RPH3AL: variants seen among roughly 807,000 people sequenced by gnomAD.
RPH3AL encodes rabphilin 3A like (without C2 domains), also known as rab effector Noc2.
Under a neutral mutation model 43.1 loss-of-function variants are expected in RPH3AL, and 38 were observed. The observed-to-expected ratio is 0.88, with a 90% confidence interval of 0.68 to 1.15. The LOEUF (loss-of-function observed/expected upper bound fraction) is 1.15. RPH3AL is among the 50% of genes most tolerant of loss of function. RPH3AL has a pLI of 0.00. For synonymous variants in RPH3AL, 189 were observed against 176.3 expected (o/e 1.07, Z -0.57); for missense variants, 462 against 423.2 (o/e 1.09, Z -0.81).
chr17:348,169 CTA>C, intron 1 of RPH3AL, among the ~76,000 whole-genome samples: 2 of 150,668 alleles, frequency 1.3e-5, no homozygotes, highest in Non-Finnish European at 2.9e-5. Flanking sequence ...AGGGTTCCAA[CTA>C]CATCTATGAC....
intron 3 of RPH3AL, chr17:321,618 C>G: frequency 2.2e-6 from 1 of 464,606 alleles, no homozygotes; most frequent in Non-Finnish European, 3.7e-6. Flanking sequence ...CAGGTGGCAA[C>G]AGAGACGGCC....
At chr17:321,634 T>G (rs905171628) in intron 3 of RPH3AL, 8 of 468,274 alleles carry the variant, frequency 1.7e-5, no homozygotes, top group African/African-American at 9.1e-5. Context: ...CGGCCCAGGT[T>G]CCGTGTGCCG....
chr17:335,762 C>G (rs1335091136), intron 1 of RPH3AL: 3 of 152,246 alleles, frequency 2.0e-5, no homozygotes, highest in Non-Finnish European at 4.4e-5. Flanking sequence ...CTCCCAGGTG[C>G]CAGAGGAAGT....
At chr17:348,282 G>A (rs1165052805) in intron 1 of RPH3AL, among the ~76,000 whole-genome samples, 1 of 152,100 alleles carries the variant, frequency 6.6e-6, no homozygotes, top group Non-Finnish European at 1.5e-5. Flanking sequence ...TTTGAAGGCA[G>A]CAAAGCCATT....
Position 333,980 on chromosome 17 carries a change from T to C in RPH3AL, c.-212-46A>G, listed in dbSNP as rs2044872134. 6.6e-6 allele frequency: 1 copy of C among 152,450 alleles called. No homozygotes were observed. Among genetic ancestry groups the C allele is most frequent in the Non-Finnish European group, 1.5e-5 (1 of 68,200 alleles). 9.4% of individuals were successfully genotyped at this position (152,450 alleles called of 1,614,324 possible). On this transcript the variant is annotated intron_variant, in intron 1 of 9. Transcript: ENST00000331302. This position sits in a 1 kb window ranked among gnomAD's most constrained non-coding sequence, Gnocchi z 4.5. ...AAATAAAATAAAATAAAGGGCCTCT[T>C]CTTTGCAAACAGTTGCATCTACTTA...
rs111534789 is a variant in RPH3AL at position 250,662 on chromosome 17, C to T, written c.439-3377G>A. Among the ~76,000 whole-genome samples the T allele has an allele frequency of 5.4e-3, 807 of 149,882 alleles. 8 individuals carry two copies. Among genetic ancestry groups the T allele is most frequent in the African/African-American group, 0.019 (772 of 40,586 alleles). On this transcript the variant is annotated intron_variant, in intron 6 of 9. Coordinates refer to ENST00000331302, the MANE Select transcript of RPH3AL (RefSeq NM_006987.4). ...GAGCCTTTACTAAGCTCCATCGCTG[C>T]GGGACCTCTCAGAGCCTTTACCAAG...
chr17:252,138 C>A (rs2041919223), intron 6 of RPH3AL, among the ~76,000 whole-genome samples: 1 of 151,906 alleles, frequency 6.6e-6, no homozygotes. Context: ...ATACACCCAG[C>A]TAATTTTTGT....
At chr17:316,497 T>C (rs1165022922) in intron 5 of RPH3AL, among the ~76,000 whole-genome samples, 3 of 143,964 alleles carry the variant, frequency 2.1e-5, no homozygotes, top group East Asian at 2.2e-4. Flanking sequence ...CACTGACCTG[T>C]AGTCTCTGTG....
At position 322,675 on chromosome 17, in the gene RPH3AL, G is replaced by C. The variant is rs1439263467; in HGVS notation, c.78-1260C>G. ...AAGAGTCCTGGAGGCAGGACCTAGG[G>C]CAGCAGGCTGAGGGAGGCGGACCCT... On this transcript the variant is annotated intron_variant, in intron 3 of 9. Coordinates refer to ENST00000331302, the MANE Select transcript of RPH3AL (RefSeq NM_006987.4). This position sits in a 1 kb window ranked among gnomAD's most constrained non-coding sequence, Gnocchi z 4.0. Among the ~76,000 whole-genome samples, 1 of 152,134 alleles carries C rather than the reference G, an allele frequency of 6.6e-6. No homozygotes were observed. Among genetic ancestry groups the C allele is most frequent in the African/African-American group, 2.4e-5 (1 of 41,408 alleles).
At chr17:266,813 C>T (rs1555548169) in intron 6 of RPH3AL, among the ~76,000 whole-genome samples, 1 of 152,260 alleles carries the variant, frequency 6.6e-6, no homozygotes, top group Non-Finnish European at 1.5e-5. Flanking sequence ...CTTCCATTAA[C>T]CCCTGGCCGG....
At chr17:320,373 T>C (rs949249022) in intron 4 of RPH3AL, among the ~76,000 whole-genome samples, 4 of 152,112 alleles carry the variant, frequency 2.6e-5, no homozygotes, top group African/African-American at 4.8e-5. Context: ...GGGTGGCTCA[T>C]GCCTGACATC....
At chr17:236,352 G>A (rs2041394361) in intron 7 of RPH3AL, among the ~76,000 whole-genome samples, 2 of 152,214 alleles carry the variant, frequency 1.3e-5, no homozygotes, top group Non-Finnish European at 2.9e-5. Flanking sequence ...ATTGATCAAG[G>A]AAACCTAAAT....
chr17:321,267 CTCACCCG>C lies in RPH3AL; in HGVS notation c.219_221+4del, dbSNP rs1432307853. The C allele has an allele frequency of 2.5e-6, 4 of 1,605,318 alleles. No individual in the cohort carries two copies. Among genetic ancestry groups the C allele is most frequent in the Non-Finnish European group, 1.7e-6 (2 of 1,179,012 alleles). ...CCCACTGAGCTGGCCCCGGCCCCGC[CTCACCCG>C]ATTCTCTGCTGCTCCAGGACGTCGA... On this transcript the variant is annotated splice_donor_variant and splice_donor_region_variant and coding_sequence_variant and intron_variant, in exon 4 of 10. Coordinates refer to ENST00000331302, the MANE Select transcript of RPH3AL (RefSeq NM_006987.4). LOFTEE classifies it high-confidence loss of function.
rs768362130 is a variant in RPH3AL at position 345,754 on chromosome 17, G to A, written c.-213+6958C>T. Among the ~76,000 whole-genome samples, 30 of 116,974 alleles carry A rather than the reference G, an allele frequency of 2.6e-4. 6 individuals carry two copies. Among genetic ancestry groups the A allele is most frequent in the Admixed American group, 4.0e-4 (5 of 12,456 alleles). The allele number at this position is 116,974 out of a possible 152,430, so 76.7% of individuals were successfully genotyped here. ...TGGGGCACGCGTGCTCCCCATCTGC[G>A]TGCACACCCTGCTGGGGCACGCGTG... On this transcript the variant is annotated intron_variant, in intron 1 of 9. Transcript: ENST00000331302.
chr17:257,399 GGC>G (rs2042077089), intron 6 of RPH3AL, among the ~76,000 whole-genome samples: 6 of 10,658 alleles, frequency 5.6e-4, no homozygotes, highest in African/African-American at 9.6e-4. Context: ...GGAGCTGCAC[GGC>G]GTCTGTCCTT....
In RPH3AL at chr17:235,632, A is replaced by G. The variant is rs374319944; in HGVS notation, c.613+11479T>C. 8.6e-3 allele frequency among the ~76,000 whole-genome samples: 461 copies of G among 53,324 alleles called. 2 individuals carry two copies. The highest frequency in any genetic ancestry group is 0.026 in the Middle Eastern group (2 of 78). The allele number at this position is 53,324 out of a possible 152,430, so 35.0% of individuals were successfully genotyped here. A position where few individuals can be genotyped will look rare whatever the true frequency, so the allele number is the denominator to read the frequency against. On this transcript the variant is annotated intron_variant, in intron 7 of 9. Transcript: ENST00000331302. ...CAAAGCTGGGGTCGGCGGAGGCTCC[A>G]CACTAACAAGATGGATCCAGGGTTC...
At chr17:259,755 G>A (rs1349271919) in intron 6 of RPH3AL, among the ~76,000 whole-genome samples, 5 of 152,246 alleles carry the variant, frequency 3.3e-5, no homozygotes, top group Admixed American at 1.3e-4. Context: ...TCCTGGTACC[G>A]CTGCTCGCCC....
chr17:301,829 C>T (rs1288712383), intron 5 of RPH3AL, among the ~76,000 whole-genome samples: 13 of 152,196 alleles, frequency 8.5e-5, no homozygotes, highest in Admixed American at 5.9e-4. Context: ...AAGGCACTGG[C>T]TGTGTCATCG....
chr17:292,187 C>T (rs1046241459), intron 5 of RPH3AL, among the ~76,000 whole-genome samples: 5 of 152,252 alleles, frequency 3.3e-5, no homozygotes, highest in East Asian at 3.9e-4. Context: ...CCCGGGTCAC[C>T]GGCCCCTCCG....
Sources: gnomAD v4.1 joint callset for allele counts (sites outside exome capture counted in the v4.1 genomes callset) on GRCh38, gnomAD v4.1.1 for gene constraint, Gnocchi (gnomAD v3.1) non-coding constraint, MANE v1.5 for transcripts, NCBI Gene and HGNC (gene_info 2026-07-23, HGNC 2026-07-21) for gene names.